EXOC4: variants seen among roughly 807,000 people sequenced by gnomAD.
EXOC4 encodes the protein SEC8-like 1.
A neutral mutation model predicts 107.2 loss-of-function variants in EXOC4; 71 were observed. That is an observed-to-expected ratio of 0.66 (90% CI 0.55 to 0.81). The LOEUF is 0.81. Among genes scored for constraint, EXOC4 ranks in the 30% least tolerant of loss-of-function variants. The pLI, the probability that EXOC4 is intolerant of heterozygous loss-of-function variation, is 0.00. For missense variants in EXOC4, 1,108 were observed against 1,189.6 expected (o/e 0.93, Z 1.01); for synonymous variants, 456 against 441.2 (o/e 1.03, Z -0.42).
chr7:133,943,289 A>G lies in EXOC4; in HGVS notation c.2206+5220A>G, dbSNP rs193112656. 2.1e-3 allele frequency among the ~76,000 whole-genome samples: 325 copies of G among 152,292 alleles called. 5 individuals are homozygous for G. The highest frequency in any genetic ancestry group is 3.7e-3 in the Non-Finnish European group (255 of 68,002). Reference sequence around the variant, plus strand: ...TATCAAAACATGGTGAACTACTTTAATTGTCCAGCCTCAGATCACATGTAC... The same window carrying G: ...TATCAAAACATGGTGAACTACTTTAGTTGTCCAGCCTCAGATCACATGTAC... On this transcript the variant is annotated intron_variant, in intron 14 of 17. Coordinates refer to ENST00000253861, the MANE Select transcript of EXOC4 (RefSeq NM_021807.4).
At chr7:133,925,111 A>G (rs1800022327) in intron 13 of EXOC4, among the ~76,000 whole-genome samples, 1 of 152,216 alleles carries the variant, frequency 6.6e-6, no homozygotes, top group African/African-American at 2.4e-5. Context: ...AAAAGTCACA[A>G]TCTCCCCCTA....
intron 12 of EXOC4, among the ~76,000 whole-genome samples, chr7:133,899,121 T>C (rs958155278): frequency 3.3e-5 from 5 of 151,970 alleles, no homozygotes; most frequent in African/African-American, 9.7e-5. Flanking sequence ...GGGCATGCCC[T>C]CTTTTTCTAG....
In EXOC4 at chr7:133,917,573, C is replaced by T; in HGVS notation, c.1872-10C>T. The T allele has an allele frequency of 1.2e-6, 2 of 1,611,950 alleles. No individual in the cohort carries two copies. Among genetic ancestry groups the T allele is most frequent in the African/African-American group, 1.3e-5 (1 of 74,956 alleles). On this transcript the variant is annotated splice_polypyrimidine_tract_variant and intron_variant, in intron 12 of 17. Coordinates refer to ENST00000253861, the MANE Select transcript of EXOC4 (RefSeq NM_021807.4). ...TGCTACAGTGTCTCTTTTCTATTGGCTGTGTTTAGGGGTATTGTCCAGTCA... is the reference window on the plus strand; with the variant it reads ...TGCTACAGTGTCTCTTTTCTATTGGTTGTGTTTAGGGGTATTGTCCAGTCA...
At chr7:133,622,226 C>A (rs1016352617) in intron 9 of EXOC4, among the ~76,000 whole-genome samples, 4 of 152,134 alleles carry the variant, frequency 2.6e-5, no homozygotes, top group Non-Finnish European at 4.4e-5. Flanking sequence ...CCTCCCATCT[C>A]GGCCTCCCAT....
At chr7:133,807,933 T>TTTTAAGTTAAA (rs1797117103) in intron 10 of EXOC4, among the ~76,000 whole-genome samples, 2 of 152,358 alleles carry the variant, frequency 1.3e-5, no homozygotes, top group South Asian at 4.1e-4. Flanking sequence ...GGTAAGATTT[T>TTTTAAGTTAAA]TTTAAGTTAA....
intron 7 of EXOC4, among the ~76,000 whole-genome samples, chr7:133,445,376 C>T (rs1173754573): frequency 6.6e-6 from 1 of 152,132 alleles, no homozygotes; most frequent in Non-Finnish European, 1.5e-5. Context: ...TGTACTCTTT[C>T]CTTTGCAGTT....
chr7:133,574,881 C>T (rs1045035796), intron 9 of EXOC4, among the ~76,000 whole-genome samples: 5 of 152,022 alleles, frequency 3.3e-5, no homozygotes, highest in African/African-American at 7.2e-5. Context: ...TTATCTTCAG[C>T]GTTGATGACA....
At chr7:133,439,659 GAC>G (rs752040324) in intron 7 of EXOC4, among the ~76,000 whole-genome samples, 5 of 152,156 alleles carry the variant, frequency 3.3e-5, no homozygotes, top group Non-Finnish European at 7.4e-5. Context: ...TCTGACTACT[GAC>G]ACATGGTTAC....
intron 5 of EXOC4, among the ~76,000 whole-genome samples, chr7:133,319,357 T>C (rs1192360180): frequency 6.6e-6 from 1 of 152,242 alleles, no homozygotes; most frequent in Non-Finnish European, 1.5e-5. Context: ...TTGCATTCAT[T>C]ACTTAGTGGA....
chr7:133,795,533 C>T (rs1294636642), intron 10 of EXOC4, among the ~76,000 whole-genome samples: 1 of 152,134 alleles, frequency 6.6e-6, no homozygotes. Flanking sequence ...GGTGAGGAAA[C>T]TGAAGCCTAG....
intron 9 of EXOC4, among the ~76,000 whole-genome samples, chr7:133,563,134 T>G (rs973477805): frequency 1.3e-5 from 2 of 152,212 alleles, no homozygotes; most frequent in African/African-American, 4.8e-5. Flanking sequence ...TTTGTACTAG[T>G]GGGTTGTCAC....
chr7:134,007,016 G>A (rs1213708727), intron 16 of EXOC4, among the ~76,000 whole-genome samples: 2 of 152,186 alleles, frequency 1.3e-5, no homozygotes, highest in South Asian at 2.1e-4. Context: ...GGTGTCTCAC[G>A]GGAAGTCAAC....
rs142528539 is a variant in EXOC4, at chr7:134,064,474, C to T, written c.2871C>T (p.Cys957=). 1.6e-5 allele frequency: 25 copies of T among 1,606,262 alleles called. No individual in the cohort carries two copies. Among genetic ancestry groups the T allele is most frequent in the African/African-American group, 1.2e-4 (9 of 74,674 alleles). Residue 957 remains cysteine (C), a synonymous_variant, in exon 18 of 18, where the codon TGC becomes TGT. Coordinates refer to ENST00000253861, the MANE Select transcript of EXOC4 (RefSeq NM_021807.4). The stretch of plus-strand genomic sequence containing the variant: ...TGCAGAGGCTCAAAGAGATCATCTG[C>T]GAGCAGGCTGCCATCAAGCAAGCCA... ...TRLQRLKEII[C]EQAAIKQATK...
chr7:133,903,266 G>A (rs547150388), intron 12 of EXOC4, among the ~76,000 whole-genome samples: 94 of 152,230 alleles, frequency 6.2e-4, no homozygotes, highest in Non-Finnish European at 1.1e-3. Flanking sequence ...AGGATTGTGC[G>A]TAGGAGCAGC....
chr7:133,849,130 C>A lies in EXOC4; in HGVS notation c.1734+31586C>A, dbSNP rs116546944. ...ATACGGATATAACAGATGCAAATAA[C>A]CCCAAGAGCATAGAGACCAGGTGCA... On this transcript the variant is annotated intron_variant, in intron 11 of 17. Coordinates refer to ENST00000253861, the MANE Select transcript of EXOC4 (RefSeq NM_021807.4). Among the ~76,000 whole-genome samples the A allele has an allele frequency of 2.4e-3, 364 of 152,194 alleles. 5 individuals are homozygous for A. Among genetic ancestry groups the A allele is most frequent in the African/African-American group, 8.2e-3 (340 of 41,524 alleles).
At chr7:133,855,300 C>G (rs927671838) in intron 11 of EXOC4, among the ~76,000 whole-genome samples, 2 of 151,032 alleles carry the variant, frequency 1.3e-5, no homozygotes. Context: ...ATCTACTAAT[C>G]TAAACCAGAA....
At chr7:133,773,317 G>A (rs1309076178) in intron 10 of EXOC4, among the ~76,000 whole-genome samples, 1 of 151,954 alleles carries the variant, frequency 6.6e-6, no homozygotes, top group Non-Finnish European at 1.5e-5. Flanking sequence ...AAACATGCCA[G>A]AGGAAGAATT....
rs1796614205 is a variant in EXOC4 at position 133,787,958 on chromosome 7, TATA to T, written c.1515-29366_1515-29364del. Among the ~76,000 whole-genome samples the T allele has an allele frequency of 2.3e-3, 124 of 52,964 alleles. 2 individuals are homozygous for T. The highest frequency in any genetic ancestry group is 7.6e-3 in the African/African-American group (106 of 13,882). 34.7% of individuals were successfully genotyped at this position (52,964 alleles called of 152,430 possible). ...TACTTCTTCCCTGTGCATATATTTA[TATA>T]TTTATATATATATATATATATATAT... is the stretch of plus-strand genomic sequence containing the variant. On this transcript the variant is annotated intron_variant, in intron 10 of 17. Transcript: ENST00000253861.
At chr7:133,277,087 G>A (rs1047150384) in intron 2 of EXOC4, among the ~76,000 whole-genome samples, 5 of 151,896 alleles carry the variant, frequency 3.3e-5, no homozygotes, top group African/African-American at 4.8e-5. Context: ...TCAGCCTCCC[G>A]AGTAGCTGGG....
Sources: allele counts gnomAD v4.1 joint callset (sites outside exome capture counted in the v4.1 genomes callset), GRCh38; gene constraint gnomAD v4.1.1; transcripts MANE v1.5; gene names NCBI Gene and HGNC (gene_info 2026-07-23, HGNC 2026-07-21).